PDIA6: variants seen among roughly 807,000 people sequenced by gnomAD.
The protein encoded by PDIA6 is protein disulfide isomerase family A member 6.
In PDIA6, 29 loss-of-function variants were observed where a neutral mutation model predicts 58.4. The observed-to-expected ratio is 0.50, with a 90% CI of 0.37 to 0.68. The LOEUF (loss-of-function observed/expected upper bound fraction) is 0.68. Ranked by LOEUF, PDIA6 falls within the 30% of genes least tolerant of loss-of-function variation. PDIA6 has a pLI of 0.00. For missense variants in PDIA6, 480 were observed against 551.0 expected (o/e 0.87, Z 1.29); for synonymous variants, 192 against 202.6 (o/e 0.95, Z 0.44).
chr2:10,837,560 T>C (rs771903237), exon 1 of PDIA6: 5 of 765,136 alleles, frequency 6.5e-6, no homozygotes, highest in Non-Finnish European at 1.1e-5. Context: ...ATCAACTCAT[T>C]TGATCCTCGG....
intron 1 of PDIA6, among the ~76,000 whole-genome samples, chr2:10,806,477 T>G (rs1299285098): frequency 6.6e-6 from 1 of 150,380 alleles, no homozygotes; most frequent in Non-Finnish European, 1.5e-5. Flanking sequence ...AAAATTAAGT[T>G]TAGAAAGTAA....
At chr2:10,824,089 C>A (rs185914964) in intron 1 of PDIA6, among the ~76,000 whole-genome samples, 2 of 152,276 alleles carry the variant, frequency 1.3e-5, no homozygotes, top group Admixed American at 1.3e-4. Flanking sequence ...CAAGAGCACA[C>A]TCCAGTAAAC....
intron 2 of PDIA6, among the ~76,000 whole-genome samples, chr2:10,801,145 G>A (rs1249960069): frequency 1.3e-5 from 2 of 152,108 alleles, no homozygotes; most frequent in Non-Finnish European, 1.5e-5. Context: ...AGGGCGTGGT[G>A]GTACATGCCT....
Position 10,802,565 on chromosome 2 carries a change from G to T in PDIA6, c.95C>A (p.Pro32Gln). 1.3e-6 allele frequency: 2 copies of T among 1,483,450 alleles called. No individual in the cohort carries two copies. Among genetic ancestry groups the T allele is most frequent in the Non-Finnish European group, 1.8e-6 (2 of 1,114,046 alleles). The allele number at this position is 1,483,450 out of a possible 1,614,324, so 91.9% of individuals were successfully genotyped here. The change falls in exon 2 of 13, where the codon CCA (proline) becomes CAA (glutamine). Residue 32 changes from proline to glutamine, a missense_variant. Transcript: ENST00000272227. ...AATAACTTCTCGGTTGAAATTCGAT[G>T]GAGTTAATTCGATCACATCATCACT... ...SSSDDVIELT[P>Q]SNFNREVIQS...
chr2:10,785,286 A>C (rs901185099), intron 11 of PDIA6, among the ~76,000 whole-genome samples: 2 of 152,220 alleles, frequency 1.3e-5, no homozygotes, highest in Non-Finnish European at 2.9e-5. Context: ...TAAGCTTTTA[A>C]AAATAGCAGA....
In PDIA6 at chr2:10,819,207, G is replaced by A. The variant is rs528707572; in HGVS notation, c.34+67C>T. 2.9e-5 allele frequency: 27 copies of A among 936,582 alleles called. No individual in the cohort carries two copies. In the South Asian group the frequency reaches 3.8e-4, roughly 13 times the overall value. 58.0% of individuals were successfully genotyped at this position (936,582 alleles called of 1,614,324 possible). Reference sequence around the variant, plus strand: ...CATCCGTCTGTTAGTGGACACTTGGGTTGTTTTCACCTTTTGGCTGTTGTG... The same window carrying A: ...CATCCGTCTGTTAGTGGACACTTGGATTGTTTTCACCTTTTGGCTGTTGTG... On this transcript the variant is annotated intron_variant, in intron 2 of 13. Transcript: ENST00000381611.
At chr2:10,819,911 C>G (rs187917172) in intron 1 of PDIA6, among the ~76,000 whole-genome samples, 1 of 152,152 alleles carries the variant, frequency 6.6e-6, no homozygotes, top group Admixed American at 6.5e-5. Context: ...CCGAGAAGCC[C>G]GCCTCTGCTG....
chr2:10,803,514 A>G (rs1440863185), intron 1 of PDIA6, among the ~76,000 whole-genome samples: 2 of 152,126 alleles, frequency 1.3e-5, no homozygotes, highest in African/African-American at 4.8e-5. Context: ...ACACATTATC[A>G]GAAACACTGT....
intron 4 of PDIA6, among the ~76,000 whole-genome samples, chr2:10,795,016 C>T (rs1666208002): frequency 6.6e-6 from 1 of 152,178 alleles, no homozygotes; most frequent in Admixed American, 6.6e-5. Context: ...GCTGGCTGAG[C>T]CTACCAAGTA....
intron 1 of PDIA6, chr2:10,821,430 GCAGTC>G (rs1055574072): frequency 1.3e-5 from 2 of 152,702 alleles, no homozygotes; most frequent in African/African-American, 4.8e-5. Context: ...TCAGAGGAGA[GCAGTC>G]CCCGATTTAC....
chr2:10,812,747 T>G lies in PDIA6; in HGVS notation c.-51A>C. On this transcript the variant is annotated 5_prime_UTR_variant, in exon 1 of 13. Transcript: ENST00000272227. ...CCCACCGCCGCCGCCGCTTCAGCCC[T>G]GCAGCGTGCCGCACGCCGCGCCCCC... is the stretch of plus-strand genomic sequence containing the variant. 1.4e-6 allele frequency: 2 copies of G among 1,432,372 alleles called. No homozygotes were observed. The highest frequency in any genetic ancestry group is 1.4e-5 in the South Asian group (1 of 73,296). 88.7% of individuals were successfully genotyped at this position (1,432,372 alleles called of 1,614,324 possible).
At chr2:10,834,732 C>CTCCTTCCTTCCTTCCTTCCT (rs869156704), upstream of PDIA6, among the ~76,000 whole-genome samples, 151 of 36,422 alleles carry the variant, frequency 4.1e-3, 5 homozygotes, top group African/African-American at 0.013. Context: ...CCTTCCTTCC[C>CTCCTTCCTTCCTTCCTTCCT]TCCTTCCTTC....
chr2:10,837,585 A>T (rs1407610171), exon 1 of PDIA6: 2 of 848,610 alleles, frequency 2.4e-6, no homozygotes, highest in Admixed American at 4.0e-5. Flanking sequence ...CTTTGGAGGC[A>T]GGGGCTGTGA....
upstream of PDIA6, among the ~76,000 whole-genome samples, chr2:10,813,251 C>T (rs1667087907): frequency 6.6e-6 from 1 of 152,192 alleles, no homozygotes; most frequent in Admixed American, 6.5e-5. Context: ...ACATTTGCTC[C>T]GCACGCGCTG....
At position 10,790,850 on chromosome 2, in the gene PDIA6, G is replaced by GT; in HGVS notation, c.585-18dup. 1 of 1,577,868 alleles carries GT rather than the reference G, an allele frequency of 6.3e-7. No homozygotes were observed. The highest frequency in any genetic ancestry group is 8.7e-7 in the Non-Finnish European group (1 of 1,148,280). ...GGCTCTAGGCTATAGAAAAATATTCGTTTTGTTTTGTTTCTTTGAGACACA... is the reference window on the plus strand; with the variant it reads ...GGCTCTAGGCTATAGAAAAATATTCGTTTTTGTTTTGTTTCTTTGAGACACA... On this transcript the variant is annotated splice_polypyrimidine_tract_variant and intron_variant, in intron 6 of 12. Transcript: ENST00000272227.
chr2:10,829,309 G>A (rs115270466), intron 1 of PDIA6, among the ~76,000 whole-genome samples: 3,068 of 152,272 alleles, frequency 0.02, 122 homozygotes, highest in African/African-American at 0.07. Flanking sequence ...AGCTCCCAGC[G>A]CTGTTGGCTT....
chr2:10,808,062 G>A (rs1031075379), intron 1 of PDIA6, among the ~76,000 whole-genome samples: 3 of 152,176 alleles, frequency 2.0e-5, no homozygotes, highest in African/African-American at 7.2e-5. Context: ...CACTGCATTT[G>A]AATCACAGAT....
rs1405531266 is a variant in PDIA6, at chr2:10,797,716, G to A, written c.203C>T (p.Ala68Val). ...GAAACTTACTTTTAATGCAGTTGCT[G>A]CTTTCTTCCATTCTGGTGTTAATCT... ...CQRLTPEWKK[A>V]ATALKDVVKV... is the part of the protein sequence containing the mutation. Residue 68 changes from alanine (A) to valine (V), a missense_variant, in exon 3 of 13, where the codon GCA becomes GTA. Transcript: ENST00000272227. 1.2e-6 allele frequency: 2 copies of A among 1,612,798 alleles called. No homozygotes were observed. The highest frequency in any genetic ancestry group is 1.7e-6 in the Non-Finnish European group (2 of 1,179,432).
intron 1 of PDIA6, among the ~76,000 whole-genome samples, chr2:10,803,736 C>A (rs1421838397): frequency 1.3e-5 from 2 of 152,022 alleles, no homozygotes; most frequent in African/African-American, 4.8e-5. Flanking sequence ...CAAAATTTCA[C>A]CTTTTAAATT....
Sources: allele counts gnomAD v4.1 joint callset (sites outside exome capture counted in the v4.1 genomes callset), GRCh38; gene constraint gnomAD v4.1.1; transcripts MANE v1.5; gene names NCBI Gene and HGNC (gene_info 2026-07-23, HGNC 2026-07-21).